TNFAIP8: variants seen among roughly 807,000 people sequenced by gnomAD.
TNFAIP8 encodes the protein TNF alpha induced protein 8.
A neutral mutation model predicts 13.3 loss-of-function variants in TNFAIP8; 7 were observed. That is an observed-to-expected ratio of 0.52 (90% CI 0.30 to 0.99). The LOEUF (loss-of-function observed/expected upper bound fraction) is 0.99, where lower values mean the gene tolerates loss of function less well. Ranked by LOEUF, TNFAIP8 falls within the 50% of genes least tolerant of loss-of-function variation. The pLI is 0.07. For missense variants in TNFAIP8, 258 were observed against 236.9 expected (o/e 1.09, Z -0.58); for synonymous variants, 94 against 87.6 (o/e 1.07, Z -0.41).
rs1753050362 is a variant in TNFAIP8, at chr5:119,395,440, A to G, written c.*2059A>G. 1 of 152,316 alleles carries G rather than the reference A, an allele frequency of 6.6e-6. No individual in the cohort carries two copies. Among genetic ancestry groups the G allele is most frequent in the East Asian group, 1.9e-4 (1 of 5,188 alleles). The allele number at this position is 152,316 out of a possible 1,614,324, so 9.4% of individuals were successfully genotyped here. A position where few individuals can be genotyped will look rare whatever the true frequency, so the allele number is the denominator to read the frequency against. On this transcript the variant is annotated 3_prime_UTR_variant, in exon 2 of 2. Coordinates refer to ENST00000504771, the MANE Select transcript of TNFAIP8 (RefSeq NM_014350.4). ...ATGCTTCTTGCTCATCTGTAGCTAT[A>G]GACAGGACCAACCAGAGAGAGAAAA...
intron 1 of TNFAIP8, among the ~76,000 whole-genome samples, chr5:119,319,560 C>G (rs2112685941): frequency 6.6e-6 from 1 of 152,230 alleles, no homozygotes; most frequent in East Asian, 1.9e-4. Context: ...GGAGAGTTCT[C>G]TGCTAGAATT....
At chr5:119,377,601 A>G (rs1238040015) in intron 1 of TNFAIP8, among the ~76,000 whole-genome samples, 1 of 152,138 alleles carries the variant, frequency 6.6e-6, no homozygotes, top group African/African-American at 2.4e-5. Context: ...CACATTCTAT[A>G]GAAATAAGGA....
At chr5:119,382,995 T>C (rs1049460650) in intron 1 of TNFAIP8, among the ~76,000 whole-genome samples, 5 of 152,252 alleles carry the variant, frequency 3.3e-5, no homozygotes, top group African/African-American at 7.2e-5. Flanking sequence ...AATGGTTCTT[T>C]ATTGCACTAA....
intron 1 of TNFAIP8, among the ~76,000 whole-genome samples, chr5:119,332,631 T>C (rs1581611568): frequency 6.6e-6 from 1 of 152,258 alleles, no homozygotes. Flanking sequence ...TCAACCAAGG[T>C]GCAGTAGGGG....
In TNFAIP8 at chr5:119,285,781, A is replaced by G. The variant is rs1473190994; in HGVS notation, c.1+16874A>G. On this transcript the variant is annotated intron_variant, in intron 1 of 1. Coordinates refer to the TNFAIP8 transcript ENST00000274456. ...ACAAAACAAAAACTCAAACCACTTA[A>G]ATATGCATCAGCTGCTTACATACAT... Among the ~76,000 whole-genome samples, 5 of 152,240 alleles carry G rather than the reference A, an allele frequency of 3.3e-5. No homozygotes were observed. In the East Asian group the frequency reaches 9.6e-4, roughly 29 times the overall value.
chr5:119,379,756 A>G (rs1044515968), intron 1 of TNFAIP8, among the ~76,000 whole-genome samples: 3 of 151,882 alleles, frequency 2.0e-5, no homozygotes, highest in African/African-American at 7.3e-5. Context: ...ACACCTGGGT[A>G]ATTTTTTTGT....
intron 1 of TNFAIP8, among the ~76,000 whole-genome samples, chr5:119,364,411 AG>A (rs2112795750): frequency 6.6e-6 from 1 of 152,314 alleles, no homozygotes; most frequent in East Asian, 1.9e-4. Context: ...TCCGTCACCC[AG>A]GCTGGAGTGC....
chr5:119,278,606 G>A (rs1403593978), intron 1 of TNFAIP8, among the ~76,000 whole-genome samples: 1 of 152,058 alleles, frequency 6.6e-6, no homozygotes, highest in Non-Finnish European at 1.5e-5. Flanking sequence ...TGGGAGGTTG[G>A]CTGTGCCCAT....
At chr5:119,332,488 G>A (rs746824721) in intron 1 of TNFAIP8, among the ~76,000 whole-genome samples, 47 of 152,138 alleles carry the variant, frequency 3.1e-4, no homozygotes, top group South Asian at 6.2e-4. Flanking sequence ...TAGTTTCAAG[G>A]TAGAGTGTTA....
At chr5:119,391,770 A>G (rs1214470542) in intron 1 of TNFAIP8, among the ~76,000 whole-genome samples, 1 of 152,074 alleles carries the variant, frequency 6.6e-6, no homozygotes, top group Non-Finnish European at 1.5e-5. Context: ...AAAAAAAAAA[A>G]AAAAAAAAGA....
chr5:119,296,506 T>C (rs1229961626), intron 1 of TNFAIP8, among the ~76,000 whole-genome samples: 1 of 152,196 alleles, frequency 6.6e-6, no homozygotes, highest in Non-Finnish European at 1.5e-5. Context: ...AGCTTTTTGA[T>C]GTGCTGTTGG....
chr5:119,333,365 C>G (rs1750443848), intron 1 of TNFAIP8: 9 of 1,307,892 alleles, frequency 6.9e-6, no homozygotes, highest in Non-Finnish European at 8.7e-6. Flanking sequence ...CCCAGAATAA[C>G]AAGCAAGACA....
chr5:119,346,998 T>C (rs1188880662), intron 1 of TNFAIP8, among the ~76,000 whole-genome samples: 1 of 152,224 alleles, frequency 6.6e-6, no homozygotes, highest in African/African-American at 2.4e-5. Flanking sequence ...CTTAGGAAGT[T>C]ACCAGGTTGG....
At chr5:119,287,280 G>GTTTTTT (rs58452491) in intron 1 of TNFAIP8, among the ~76,000 whole-genome samples, 4 of 109,236 alleles carry the variant, frequency 3.7e-5, no homozygotes, top group East Asian at 2.9e-4. Context: ...CAGTAACCAA[G>GTTTTTT]TTTTTTTTTT....
At chr5:119,279,236 C>G (rs1296788470) in intron 1 of TNFAIP8, among the ~76,000 whole-genome samples, 1 of 152,236 alleles carries the variant, frequency 6.6e-6, no homozygotes, top group South Asian at 2.1e-4. Context: ...GATTTACACT[C>G]TGGTGGCTCA....
intron 1 of TNFAIP8, among the ~76,000 whole-genome samples, chr5:119,366,817 G>T (rs1456742525): frequency 6.6e-6 from 1 of 152,208 alleles, no homozygotes; most frequent in Non-Finnish European, 1.5e-5. Flanking sequence ...CTTGGCCATA[G>T]CTCTGACTTG....
At chr5:119,301,629 A>G (rs1256989554) in intron 1 of TNFAIP8, among the ~76,000 whole-genome samples, 3 of 152,224 alleles carry the variant, frequency 2.0e-5, no homozygotes, top group South Asian at 2.1e-4. Flanking sequence ...CTCAGGGAAT[A>G]TGGGTGGAAT....
Position 119,356,077 on chromosome 5 carries a change from G to C in TNFAIP8, c.-14G>C. 1 of 1,582,340 alleles carries C rather than the reference G, an allele frequency of 6.3e-7. No individual in the cohort carries two copies. The highest frequency in any genetic ancestry group is 8.6e-7 in the Non-Finnish European group (1 of 1,163,160). On this transcript the variant is annotated 5_prime_UTR_variant, in exon 1 of 2. Coordinates refer to ENST00000504771, the MANE Select transcript of TNFAIP8 (RefSeq NM_014350.4). ...TGAGCGGTAATCGCCCCTGCAGCTG[G>C]TTATCCTGACATTATGCACTCCGAA...
chr5:119,304,041 G>A (rs554705332), intron 1 of TNFAIP8, among the ~76,000 whole-genome samples: 168 of 152,156 alleles, frequency 1.1e-3, no homozygotes, highest in African/African-American at 3.8e-3. Flanking sequence ...ATCTTTCTAC[G>A]ATACAGATCG....
Sources: allele counts gnomAD v4.1 joint callset (sites outside exome capture counted in the v4.1 genomes callset), GRCh38; gene constraint gnomAD v4.1.1; transcripts MANE v1.5; gene names NCBI Gene and HGNC (gene_info 2026-07-23, HGNC 2026-07-21).